ADCY5: variants seen among roughly 807,000 people sequenced by gnomAD.
ADCY5 encodes adenylate cyclase type 5.
Under a neutral mutation model 119.7 loss-of-function variants are expected in ADCY5, and 30 were observed. That is an observed-to-expected ratio of 0.25 (90% confidence interval 0.19 to 0.34). ADCY5 has a LOEUF of 0.34. Among genes scored for constraint, ADCY5 ranks in the 10% least tolerant of loss-of-function variants. The pLI is 1.00. For synonymous variants in ADCY5, 753 were observed against 762.2 expected (o/e 0.99, Z 0.20); for missense variants, 1,324 against 1,775.2 (o/e 0.75, Z 4.57).
rs552786287 is a variant in ADCY5, at chr3:123,349,609, A to G, written c.1285-1706T>C. ...ATATGGGTTCTTCCAGACCCGCTGA[A>G]CTCACTCTTCCTTATTTTCCACTGC... On this transcript the variant is annotated intron_variant, in intron 2 of 20. Coordinates refer to ENST00000462833, the MANE Select transcript of ADCY5 (RefSeq NM_183357.3). Among the ~76,000 whole-genome samples the G allele has an allele frequency of 3.9e-5, 6 of 152,008 alleles. No homozygotes were observed. The South Asian group carries it at 1.3e-3, about 32-fold the overall frequency.
chr3:123,355,963 A>G (rs1416041498), intron 1 of ADCY5, among the ~76,000 whole-genome samples: 1 of 152,238 alleles, frequency 6.6e-6, no homozygotes, highest in Non-Finnish European at 1.5e-5. Context: ...ATAAGGGTAG[A>G]AATATAGATA....
rs1323983268 is a variant in ADCY5 at position 123,357,445 on chromosome 3, A to C, written c.1135-4864T>G. Among the ~76,000 whole-genome samples, 3 of 152,246 alleles carry C rather than the reference A, an allele frequency of 2.0e-5. No homozygotes were observed. In the East Asian group the frequency reaches 5.8e-4, roughly 29 times the overall value. The stretch of plus-strand genomic sequence containing the variant: ...AATCCTCCGGGTCTCTCCTGCTGTA[A>C]TCTGACTCCTCCTATAGCCAGAAGT... On this transcript the variant is annotated intron_variant, in intron 1 of 20. Transcript: ENST00000462833.
intron 11 of ADCY5, among the ~76,000 whole-genome samples, chr3:123,316,758 A>G (rs1424590596): frequency 6.6e-6 from 1 of 152,180 alleles, no homozygotes; most frequent in African/African-American, 2.4e-5. Context: ...AGTAGATGAT[A>G]GTAGGGATTT....
intron 1 of ADCY5, among the ~76,000 whole-genome samples, chr3:123,393,600 T>C (rs1944457906): frequency 6.6e-6 from 1 of 151,610 alleles, no homozygotes; most frequent in Non-Finnish European, 1.5e-5. Context: ...TAAAATAAAA[T>C]AAAATGAGGG....
At chr3:123,387,693 G>C (rs1464104674) in intron 1 of ADCY5, among the ~76,000 whole-genome samples, 2 of 152,158 alleles carry the variant, frequency 1.3e-5, no homozygotes, top group African/African-American at 2.4e-5. Context: ...ATGCAAAAAA[G>C]AATTTCCTTT....
chr3:123,303,289 CCAGG>C (rs1939963202), intron 13 of ADCY5, 70 bp from the exon 14 acceptor site: 5 of 1,512,586 alleles, frequency 3.3e-6, no homozygotes, highest in Non-Finnish European at 4.5e-6. Flanking sequence ...GCCCAGCCCA[CCAGG>C]CCGCAGGCTC....
intron 8 of ADCY5, among the ~76,000 whole-genome samples, chr3:123,323,028 T>C (rs370827424): frequency 9.9e-5 from 15 of 152,168 alleles, no homozygotes; most frequent in Non-Finnish European, 1.5e-5. Context: ...GAAAGCCCAA[T>C]GGCCCTCGCG....
chr3:123,345,765 G>GACAGACACACAGACAC (rs1942511788), intron 3 of ADCY5, among the ~76,000 whole-genome samples: 1 of 135,340 alleles, frequency 7.4e-6, no homozygotes, highest in Non-Finnish European at 1.5e-5. Flanking sequence ...CAGACAGACA[G>GACAGACACACAGACAC]ACAGACACAC....
intron 2 of ADCY5, among the ~76,000 whole-genome samples, chr3:123,350,313 T>C (rs1447190684): frequency 6.6e-6 from 1 of 152,146 alleles, no homozygotes; most frequent in Non-Finnish European, 1.5e-5. Flanking sequence ...CCCAGAGCCT[T>C]ATGCTCGAGA....
intron 12 of ADCY5, among the ~76,000 whole-genome samples, chr3:123,311,872 C>G (rs1017635300): frequency 6.6e-6 from 1 of 152,108 alleles, no homozygotes; most frequent in Non-Finnish European, 1.5e-5. Flanking sequence ...GGAAACAGGC[C>G]TCTGCAGCAC....
rs1945874220 is a variant in ADCY5 at position 123,448,568 on chromosome 3, C to T, written c.-23G>A. The T allele has an allele frequency of 1.6e-6, 2 of 1,262,940 alleles. No homozygotes were observed. Among genetic ancestry groups the T allele is most frequent in the South Asian group, 6.0e-5 (2 of 33,450 alleles). 78.2% of individuals were successfully genotyped at this position (1,262,940 alleles called of 1,614,324 possible). On this transcript the variant is annotated 5_prime_UTR_variant, in exon 1 of 21. Coordinates refer to ENST00000462833, the MANE Select transcript of ADCY5 (RefSeq NM_183357.3). ...CATCCCCCCCTCGGCCTCGTCGTCTCCTTCCTCCTCCCCCGGAAGCCGGGC... is the reference window on the plus strand; with the variant it reads ...CATCCCCCCCTCGGCCTCGTCGTCTTCTTCCTCCTCCCCCGGAAGCCGGGC...
intron 1 of ADCY5, among the ~76,000 whole-genome samples, chr3:123,361,682 G>T (rs1383823442): frequency 6.6e-6 from 1 of 152,160 alleles, no homozygotes; most frequent in African/African-American, 2.4e-5. Context: ...AAATGCTAGG[G>T]ACCAGAAGTG....
chr3:123,313,358 C>A (rs984919365), intron 12 of ADCY5, among the ~76,000 whole-genome samples: 4 of 152,238 alleles, frequency 2.6e-5, no homozygotes, highest in African/African-American at 7.2e-5. Context: ...ATGGTGCTCA[C>A]TGCAGAAGAG....
intron 1 of ADCY5, among the ~76,000 whole-genome samples, chr3:123,412,817 A>G (rs1366368517): frequency 1.5e-5 from 2 of 130,456 alleles, no homozygotes; most frequent in African/African-American, 7.1e-5. Context: ...AAACAATGAC[A>G]AAAAAAAAAA....
At chr3:123,435,773 C>T (rs1022603626) in intron 1 of ADCY5, among the ~76,000 whole-genome samples, 4 of 151,396 alleles carry the variant, frequency 2.6e-5, no homozygotes, top group African/African-American at 9.7e-5. Context: ...ATAATCTCAG[C>T]ACTTTGGGAG....
intron 1 of ADCY5, among the ~76,000 whole-genome samples, chr3:123,419,441 G>A (rs191036856): frequency 4.7e-4 from 71 of 151,994 alleles, no homozygotes; most frequent in African/African-American, 1.6e-3. Context: ...CCATACCCAC[G>A]TTGCCAGACT....
chr3:123,364,078 C>T (rs1168733205), intron 1 of ADCY5, among the ~76,000 whole-genome samples: 2 of 152,134 alleles, frequency 1.3e-5, no homozygotes, highest in Non-Finnish European at 1.5e-5. Flanking sequence ...CCCAATTTTT[C>T]ACATGTATAC....
At chr3:123,363,143 G>GAAAAAAAAAAAAAAAAAAAAAAAAA (rs58854772) in intron 1 of ADCY5, among the ~76,000 whole-genome samples, 1 of 50,088 alleles carries the variant, frequency 2.0e-5, no homozygotes, top group African/African-American at 6.1e-5. Context: ...ATTCCTTCTT[G>GAAAAAAAAAAAAAAAAAAAAAAAAA]AAAAAAAAAA....
chr3:123,392,651 TC>T (rs2107588482), intron 1 of ADCY5, among the ~76,000 whole-genome samples: 2 of 152,212 alleles, frequency 1.3e-5, no homozygotes, highest in South Asian at 4.2e-4. Context: ...ACAGTGTTAC[TC>T]CCCTTCTCTG....
Sources: allele counts gnomAD v4.1 joint callset (sites outside exome capture counted in the v4.1 genomes callset), GRCh38; gene constraint gnomAD v4.1.1; transcripts MANE v1.5; gene names NCBI Gene and HGNC (gene_info 2026-07-23, HGNC 2026-07-21).